The following CSMD1 variants were observed in gnomAD, a reference collection of about 807,000 sequenced individuals.
The protein encoded by CSMD1 is CUB and sushi domain-containing protein 1.
Under a neutral mutation model 417.5 loss-of-function variants are expected in CSMD1, and 213 were observed. That is an observed-to-expected ratio of 0.51 (90% CI 0.46 to 0.57). The LOEUF (loss-of-function observed/expected upper bound fraction) is 0.57. Ranked by LOEUF, CSMD1 falls within the 20% of genes least tolerant of loss-of-function variation. CSMD1 has a pLI of 0.00. For synonymous variants in CSMD1, 2,862 were observed against 1,736.8 expected (o/e 1.65, Z -16.11); for missense variants, 6,923 against 4,529.7 (o/e 1.53, Z -15.17).
chr8:4,854,741 C>T (rs373055725), intron 1 of CSMD1, among the ~76,000 whole-genome samples: 4 of 152,186 alleles, frequency 2.6e-5, no homozygotes, highest in African/African-American at 9.6e-5. Context: ...GATTCTATCC[C>T]ACACCTGGCT....
intron 3 of CSMD1, among the ~76,000 whole-genome samples, chr8:4,207,667 G>A: frequency 6.6e-6 from 1 of 152,064 alleles, no homozygotes; most frequent in East Asian, 1.9e-4. Context: ...ACATAAATTA[G>A]TGTGCATTCA....
In CSMD1 at chr8:3,772,681, A is replaced by G. The variant is rs567137784; in HGVS notation, c.819-18639T>C. 1.0e-4 allele frequency among the ~76,000 whole-genome samples: 15 copies of G among 146,140 alleles called. 1 individual carries two copies. The South Asian group carries it at 2.5e-3, about 25-fold the overall frequency. ...TACATACATTTATATATACATATAT[A>G]CATATATATACAAATATATACACAC... On this transcript the variant is annotated intron_variant, in intron 5 of 69. Transcript: ENST00000635120.
At chr8:4,449,333 T>G (rs769884729) in intron 2 of CSMD1, among the ~76,000 whole-genome samples, 1 of 152,212 alleles carries the variant, frequency 6.6e-6, no homozygotes, top group Admixed American at 6.5e-5. Flanking sequence ...CTGTCTTCAT[T>G]GGTTTTAAGC....
chr8:4,398,897 A>T (rs534113324), intron 3 of CSMD1, among the ~76,000 whole-genome samples: 1 of 152,318 alleles, frequency 6.6e-6, no homozygotes, highest in Admixed American at 6.5e-5. Flanking sequence ...TAAAAAATAA[A>T]AGTCTCTAAT....
chr8:4,085,557 G>A (rs962504374), intron 3 of CSMD1, among the ~76,000 whole-genome samples: 8 of 152,104 alleles, frequency 5.3e-5, no homozygotes, highest in African/African-American at 1.9e-4. Flanking sequence ...AGCTGGACAA[G>A]CCTAGGAAGA....
At position 3,055,851 on chromosome 8, in the gene CSMD1, G is replaced by A. The variant is rs535312264; in HGVS notation, c.7475-3204C>T. ...TCTTGCTGTACCTCTCAATAACAGT[G>A]TGGCTTCAGCTAACTTACTTAATGA... is the stretch of plus-strand genomic sequence containing the variant. On this transcript the variant is annotated intron_variant, in intron 49 of 69. Coordinates refer to ENST00000635120, the MANE Select transcript of CSMD1 (RefSeq NM_033225.6). Among the ~76,000 whole-genome samples the A allele has an allele frequency of 2.0e-5, 3 of 152,276 alleles. No individual in the cohort carries two copies. In the South Asian group the frequency reaches 6.2e-4, roughly 32 times the overall value.
At chr8:3,330,304 G>C (rs573321114) in intron 23 of CSMD1, among the ~76,000 whole-genome samples, 1 of 152,146 alleles carries the variant, frequency 6.6e-6, no homozygotes, top group African/African-American at 2.4e-5. Context: ...GCATATGTTC[G>C]ATGCAGCAGT....
chr8:2,972,042 T>C (rs1170366460), intron 57 of CSMD1, among the ~76,000 whole-genome samples: 1 of 152,088 alleles, frequency 6.6e-6, no homozygotes, highest in African/African-American at 2.4e-5. Flanking sequence ...TATGCATGGG[T>C]AAATATAATA....
Position 2,955,865 on chromosome 8 carries a change from A to G in CSMD1, c.9815-97T>C, listed in dbSNP as rs967666048. On this transcript the variant is annotated intron_variant, in intron 63 of 69. Transcript: ENST00000635120. ...AGATTAAAATAGTTTGGAAATGGTT[A>G]TGCAGTCAATATGTATATATACATA... 3 of 1,016,028 alleles carry G rather than the reference A, an allele frequency of 3.0e-6. No individual in the cohort carries two copies. The Admixed American group carries it at 6.5e-5, about 22-fold the overall frequency. The allele number at this position is 1,016,028 out of a possible 1,614,324, so 62.9% of individuals were successfully genotyped here. A position where few individuals can be genotyped will look rare whatever the true frequency, so the allele number is the denominator to read the frequency against.
intron 3 of CSMD1, among the ~76,000 whole-genome samples, chr8:4,156,777 T>C (rs1358050905): frequency 6.6e-6 from 1 of 152,140 alleles, no homozygotes; most frequent in African/African-American, 2.4e-5. Context: ...CAGTACAGAC[T>C]TTTGGGAAGG....
intron 3 of CSMD1, among the ~76,000 whole-genome samples, chr8:4,419,199 A>C (rs1278515724): frequency 5.3e-5 from 8 of 152,336 alleles, no homozygotes; most frequent in African/African-American, 1.9e-4. Flanking sequence ...TTAAATTTAC[A>C]GACTCCAGAG....
At chr8:3,763,806 C>G (rs1798132460) in intron 5 of CSMD1, among the ~76,000 whole-genome samples, 1 of 152,124 alleles carries the variant, frequency 6.6e-6, no homozygotes, top group Non-Finnish European at 1.5e-5. Context: ...GGACCCAGGT[C>G]CCTGCATGCA....
In CSMD1 at chr8:3,187,793, T is replaced by G. The variant is rs181962319; in HGVS notation, c.5620+76A>C. 1,010 of 1,054,048 alleles carry G rather than the reference T, an allele frequency of 9.6e-4. 2 individuals are homozygous for G. The highest frequency in any genetic ancestry group is 1.4e-3 in the Non-Finnish European group (951 of 691,166). 65.3% of individuals were successfully genotyped at this position (1,054,048 alleles called of 1,614,324 possible). On this transcript the variant is annotated intron_variant, in intron 36 of 69. Coordinates refer to ENST00000635120, the MANE Select transcript of CSMD1 (RefSeq NM_033225.6). ...GTAGGAAAATTTCTATGTGGAGTGT[T>G]TGCTGTTATTTATGTTGTTTTCTTG...
intron 1 of CSMD1, among the ~76,000 whole-genome samples, chr8:4,861,264 A>G (rs1261925277): frequency 6.6e-6 from 1 of 152,166 alleles, no homozygotes; most frequent in African/African-American, 2.4e-5. Context: ...TACATTCAGA[A>G]AGTCACAGCA....
At chr8:4,475,903 T>C (rs530848461) in intron 2 of CSMD1, among the ~76,000 whole-genome samples, 11 of 152,154 alleles carry the variant, frequency 7.2e-5, no homozygotes, top group Non-Finnish European at 8.8e-5. Context: ...TTGAGCCACC[T>C]CACCTGGCTC....
At chr8:3,077,469 C>T (rs1255140812) in intron 49 of CSMD1, among the ~76,000 whole-genome samples, 1 of 152,230 alleles carries the variant, frequency 6.6e-6, no homozygotes, top group South Asian at 2.1e-4. Context: ...TGCCTTCCAG[C>T]CTCAGAGCAA....
At chr8:4,416,700 G>T (rs187615286) in intron 3 of CSMD1, among the ~76,000 whole-genome samples, 17 of 152,006 alleles carry the variant, frequency 1.1e-4, no homozygotes, top group African/African-American at 4.1e-4. Flanking sequence ...GTATCACCCA[G>T]TCCGTATATT....
chr8:3,364,478 C>G (rs988236338), intron 20 of CSMD1, among the ~76,000 whole-genome samples: 1 of 152,162 alleles, frequency 6.6e-6, no homozygotes, highest in Non-Finnish European at 1.5e-5. Flanking sequence ...TTGTTGTTGG[C>G]TTGCTTGTTT....
At chr8:3,547,721 T>C (rs1005300338) in intron 10 of CSMD1, among the ~76,000 whole-genome samples, 1 of 152,202 alleles carries the variant, frequency 6.6e-6, no homozygotes, top group Non-Finnish European at 1.5e-5. Flanking sequence ...TGAAAAACAA[T>C]AGATCTTATT....
Sources: gnomAD v4.1 joint callset for allele counts (sites outside exome capture counted in the v4.1 genomes callset) on GRCh38, gnomAD v4.1.1 for gene constraint, MANE v1.5 for transcripts, NCBI Gene and HGNC (gene_info 2026-07-23, HGNC 2026-07-21) for gene names.